The following CDH22 variants were observed in gnomAD, a reference collection of about 807,000 sequenced individuals.
CDH22 encodes the protein cadherin 22.
A neutral mutation model predicts 58.4 loss-of-function variants in CDH22; 30 were observed. The ratio of observed to expected loss-of-function variants is 0.51; its 90% CI spans 0.38 to 0.70. The LOEUF (loss-of-function observed/expected upper bound fraction) is 0.70, where lower values mean the gene tolerates loss of function less well. Ranked by LOEUF, CDH22 falls within the 30% of genes least tolerant of loss-of-function variation. CDH22 has a pLI of 0.00. For synonymous variants in CDH22, 513 were observed against 558.2 expected, an observed-to-expected ratio of 0.92 and a Z score of 1.14; for missense variants, 1,014 against 1,233.9, an observed-to-expected ratio of 0.82 and a Z score of 2.67.
chr20:46,267,889 T>A (rs2086468687), intron 1 of CDH22, among the ~76,000 whole-genome samples: 2 of 152,362 alleles, frequency 1.3e-5, no homozygotes, highest in South Asian at 4.1e-4. Context: ...GGGAGAGTTC[T>A]CAGGAACACC....
intron 1 of CDH22, among the ~76,000 whole-genome samples, chr20:46,307,123 G>A (rs1307943242): frequency 6.6e-6 from 1 of 152,242 alleles, no homozygotes; most frequent in Non-Finnish European, 1.5e-5. Context: ...AAGCTGGCAT[G>A]CGCAACCCTG....
intron 2 of CDH22, among the ~76,000 whole-genome samples, chr20:46,248,648 C>T (rs1276766326): frequency 6.6e-6 from 1 of 152,126 alleles, no homozygotes; most frequent in Admixed American, 6.5e-5. Context: ...CATGGTGAAA[C>T]CTCATCTCTA....
chr20:46,187,379 A>G (rs949611828), intron 8 of CDH22, among the ~76,000 whole-genome samples: 1 of 151,810 alleles, frequency 6.6e-6, no homozygotes, highest in Non-Finnish European at 1.5e-5. Flanking sequence ...CTATCAACAT[A>G]ACTATGAGTA....
intron 11 of CDH22, among the ~76,000 whole-genome samples, chr20:46,176,323 C>T (rs2085738413): frequency 6.6e-6 from 1 of 152,248 alleles, no homozygotes; most frequent in African/African-American, 2.4e-5. Flanking sequence ...TCAACACGCC[C>T]TCTTGTTGAC....
chr20:46,307,817 AG>A (rs1470936595), intron 1 of CDH22, among the ~76,000 whole-genome samples: 1 of 151,838 alleles, frequency 6.6e-6, no homozygotes, highest in Non-Finnish European at 1.5e-5. Context: ...GAGCCCCGCT[AG>A]CAGGGTTGGG....
intron 3 of CDH22, among the ~76,000 whole-genome samples, chr20:46,240,532 T>C (rs1187139589): frequency 1.3e-5 from 2 of 152,092 alleles, no homozygotes; most frequent in African/African-American, 4.8e-5. Context: ...AGCTGTGCTG[T>C]GTGTGTGACT....
chr20:46,254,578 T>G (rs1472789504), intron 1 of CDH22, among the ~76,000 whole-genome samples: 3 of 144,382 alleles, frequency 2.1e-5, no homozygotes, highest in Admixed American at 2.0e-4. Flanking sequence ...AAAAAAAAAT[T>G]GAAGTCCTGG....
At chr20:46,219,148 G>A (rs1328906428) in intron 4 of CDH22, among the ~76,000 whole-genome samples, 2 of 152,140 alleles carry the variant, frequency 1.3e-5, no homozygotes, top group East Asian at 1.9e-4. Flanking sequence ...TCCTGCTTTC[G>A]TGGGATCACA....
chr20:46,263,406 CTGTG>C (rs3081942), intron 1 of CDH22, among the ~76,000 whole-genome samples: 2 of 150,376 alleles, frequency 1.3e-5, no homozygotes, highest in Non-Finnish European at 3.0e-5. Context: ...GCCTTCCATT[CTGTG>C]TGTGTGTGTG....
intron 8 of CDH22, 48 bp from the exon 9 acceptor site, chr20:46,186,995 C>G: frequency 6.6e-7 from 1 of 1,523,802 alleles, no homozygotes; most frequent in East Asian, 2.3e-5. Flanking sequence ...AGTGGGAGAT[C>G]TAGATAGCCT....
At chr20:46,232,838 C>G (rs1194380363) in intron 3 of CDH22, among the ~76,000 whole-genome samples, 2 of 152,184 alleles carry the variant, frequency 1.3e-5, no homozygotes, top group Non-Finnish European at 2.9e-5. Context: ...CTGCTTCTAG[C>G]CTCCCAGCCA....
At chr20:46,303,959 G>T (rs187913287) in intron 1 of CDH22, among the ~76,000 whole-genome samples, 1 of 152,166 alleles carries the variant, frequency 6.6e-6, no homozygotes, top group Non-Finnish European at 1.5e-5. Context: ...GCCACAACAG[G>T]TTAGGCATGA....
In CDH22 at chr20:46,308,130, C is replaced by T. The variant is rs189391264; in HGVS notation, c.-400+125G>A. 2.6e-5 allele frequency: 4 copies of T among 151,160 alleles called. No individual in the cohort carries two copies. Among genetic ancestry groups the T allele is most frequent in the Admixed American group, 6.6e-5 (1 of 15,190 alleles). The allele number at this position is 151,160 out of a possible 1,614,324, so 9.4% of individuals were successfully genotyped here. A position where few individuals can be genotyped will look rare whatever the true frequency, so the allele number is the denominator to read the frequency against. On this transcript the variant is annotated intron_variant, in intron 1 of 11. Transcript: ENST00000537909. This position sits in a 1 kb window ranked among gnomAD's most constrained non-coding sequence, Gnocchi z 4.3. ...GCAGGCACCCCGGCTCCTCCTGCGG[C>T]TGGAGGCTCGCCCCCCGCGCCGCCT... is the stretch of plus-strand genomic sequence containing the variant.
In CDH22 at chr20:46,283,360, C is replaced by T. The variant is rs1249250895; in HGVS notation, c.-400+24895G>A. Among the ~76,000 whole-genome samples, 3 of 152,264 alleles carry T rather than the reference C, an allele frequency of 2.0e-5. 1 individual carries two copies. Among genetic ancestry groups the T allele is most frequent in the South Asian group, 4.1e-4 (2 of 4,820 alleles). On this transcript the variant is annotated intron_variant, in intron 1 of 11. Coordinates refer to ENST00000537909, the MANE Select transcript of CDH22 (RefSeq NM_021248.3). ...GATTCCAGCTGCGTGACCTGGGACA[C>T]GTTCCCTAACATCTCTGGTCTTCCA...
At chr20:46,232,107 G>A (rs1444109186) in intron 3 of CDH22, among the ~76,000 whole-genome samples, 1 of 152,136 alleles carries the variant, frequency 6.6e-6, no homozygotes, top group Non-Finnish European at 1.5e-5. Context: ...GTTCTGACTT[G>A]GTTTGTTGTG....
chr20:46,176,379 T>A (rs950518180), intron 11 of CDH22, among the ~76,000 whole-genome samples: 2 of 152,186 alleles, frequency 1.3e-5, no homozygotes, highest in African/African-American at 4.8e-5. Context: ...AATACTAATC[T>A]TTCCCCCTTC....
chr20:46,290,923 G>T (rs1324821052), intron 1 of CDH22, among the ~76,000 whole-genome samples: 1 of 152,156 alleles, frequency 6.6e-6, no homozygotes, highest in Admixed American at 6.5e-5. Flanking sequence ...CATCTGGAGG[G>T]CCTGGTGTCC....
chr20:46,200,266 C>G (rs2085949722), intron 7 of CDH22, among the ~76,000 whole-genome samples: 1 of 151,686 alleles, frequency 6.6e-6, no homozygotes, highest in Non-Finnish European at 1.5e-5. Context: ...TGAGCGACCG[C>G]GCCCGGCCCT....
chr20:46,179,742 G>T (rs2085770759), intron 10 of CDH22, among the ~76,000 whole-genome samples: 1 of 152,186 alleles, frequency 6.6e-6, no homozygotes, highest in Non-Finnish European at 1.5e-5. Flanking sequence ...GCAGGTGTGA[G>T]GATTAAATGG....
Sources: allele counts gnomAD v4.1 joint callset (sites outside exome capture counted in the v4.1 genomes callset), GRCh38; gene constraint gnomAD v4.1.1; non-coding constraint Gnocchi (gnomAD v3.1); transcripts MANE v1.5; gene names NCBI Gene and HGNC (gene_info 2026-07-23, HGNC 2026-07-21).